USP6: variants seen among roughly 807,000 people sequenced by gnomAD.
USP6 encodes the protein ubiquitin carboxyl-terminal hydrolase 6.
Under a neutral mutation model 175.7 loss-of-function variants are expected in USP6, and 128 were observed. That is an observed-to-expected ratio of 0.73 (90% CI 0.63 to 0.84). The LOEUF (loss-of-function observed/expected upper bound fraction) is 0.84, where lower values mean the gene tolerates loss of function less well. Ranked by LOEUF, USP6 falls within the 40% of genes least tolerant of loss-of-function variation. The pLI is 0.00. For synonymous variants in USP6, 562 were observed against 630.6 expected (o/e 0.89, Z 1.63); for missense variants, 1,498 against 1,760.3 (o/e 0.85, Z 2.67).
In USP6 at chr17:5,148,678, A is replaced by C; in HGVS notation, c.2554A>C (p.Asn852His). 1 of 1,613,954 alleles carries C rather than the reference A, an allele frequency of 6.2e-7. No individual in the cohort carries two copies. Among genetic ancestry groups the C allele is most frequent in the Non-Finnish European group, 8.5e-7 (1 of 1,179,864 alleles). Reference sequence around the variant, plus strand: ...TGTTGTGCCATGTGGAACTGAGAAGAACTTCACAAATGGAATGGTTAATGG... The same window carrying C: ...TGTTGTGCCATGTGGAACTGAGAAGCACTTCACAAATGGAATGGTTAATGG... The part of the protein sequence containing the change: ...NTVVPCGTEK[N>H]FTNGMVNGHM... Residue 852 changes from asparagine to histidine, a missense_variant, in exon 30 of 38, where the codon AAC (asparagine) becomes CAC (histidine). Coordinates refer to ENST00000574788, the MANE Select transcript of USP6 (RefSeq NM_001304284.2).
chr17:5,158,471 G>T (rs915763435), intron 31 of USP6, among the ~76,000 whole-genome samples: 1 of 151,946 alleles, frequency 6.6e-6, no homozygotes, highest in Non-Finnish European at 1.5e-5. Flanking sequence ...GGTGGCTGAG[G>T]CATGAGAATC....
At chr17:5,155,886 C>A (rs2073873409) in intron 31 of USP6, among the ~76,000 whole-genome samples, 2 of 152,134 alleles carry the variant, frequency 1.3e-5, no homozygotes, top group Admixed American at 1.3e-4. Context: ...ATAATCCTTC[C>A]ATTCTCTAAT....
chr17:5,144,380 T>C (rs547996464), intron 25 of USP6, among the ~76,000 whole-genome samples: 25 of 152,342 alleles, frequency 1.6e-4, no homozygotes, highest in East Asian at 5.8e-4. Flanking sequence ...AGGATGTCTT[T>C]CCATGTGAGC....
At chr17:5,127,256 C>T (rs2072923516) in intron 6 of USP6, among the ~76,000 whole-genome samples, 1 of 152,192 alleles carries the variant, frequency 6.6e-6, no homozygotes, top group Non-Finnish European at 1.5e-5. Flanking sequence ...GAGTCAGCCA[C>T]CCCTCTGCAG....
In USP6 at chr17:5,146,145, C is replaced by G. The variant is rs1190671835; in HGVS notation, c.2290C>G (p.Leu764Val). The G allele has an allele frequency of 2.5e-6, 4 of 1,611,794 alleles. No homozygotes were observed. Among genetic ancestry groups the G allele is most frequent in the East Asian group, 2.2e-5 (1 of 44,798 alleles). The change falls in exon 28 of 38, where the codon CTA (leucine) becomes GTA (valine). Residue 764 changes from leucine to valine, a missense_variant. Transcript: ENST00000574788. Reference sequence around the variant, plus strand: ...TGGACTTAATTCAGAACAAATCCTACTAGCAGAAGTACATGATTCCAACAT... The same window carrying G: ...TGGACTTAATTCAGAACAAATCCTAGTAGCAGAAGTACATGATTCCAACAT... ...LCGLNSEQIL[L>V]AEVHDSNIKN... is the part of the protein sequence containing the mutation.
chr17:5,130,988 G>C (rs1407902535), intron 11 of USP6, among the ~76,000 whole-genome samples: 4 of 152,208 alleles, frequency 2.6e-5, no homozygotes, highest in Non-Finnish European at 5.9e-5. Flanking sequence ...CTGAGGTTCT[G>C]GTCCTGTCTA....
intron 32 of USP6, 134 bp from the exon 33 acceptor site, chr17:5,162,750 A>T (rs1438492196): frequency 7.9e-7 from 1 of 1,269,582 alleles, no homozygotes; most frequent in Non-Finnish European, 1.1e-6. Context: ...CAGAGTCTGA[A>T]GTTAGAAGCC....
chr17:5,121,154 T>A (rs1259760031), intron 3 of USP6, among the ~76,000 whole-genome samples: 1 of 152,164 alleles, frequency 6.6e-6, no homozygotes, highest in Non-Finnish European at 1.5e-5. Flanking sequence ...CCAGTGCCTG[T>A]CTTTGAGGTG....
rs780743853 is a variant in USP6 at position 5,132,483 on chromosome 17, G to A, written c.195+48G>A. On this transcript the variant is annotated intron_variant, in intron 12 of 37. Coordinates refer to ENST00000574788, the MANE Select transcript of USP6 (RefSeq NM_001304284.2). This position sits in a 1 kb window ranked among gnomAD's most constrained non-coding sequence, Gnocchi z 4.7. ...GGCTGGTCCAGGGACGTAGGGACTG[G>A]GCGGGTGGTCAGTGAGGCAGAGGAA... The A allele has an allele frequency of 4.3e-6, 7 of 1,611,924 alleles. No homozygotes were observed. Among genetic ancestry groups the A allele is most frequent in the Admixed American group, 1.7e-5 (1 of 60,000 alleles).
chr17:5,118,110 G>C (rs887809847), intron 1 of USP6, 90 bp from the exon 2 acceptor site: 1 of 152,024 alleles, frequency 6.6e-6, no homozygotes, highest in African/African-American at 2.4e-5. Flanking sequence ...TATATTGGCA[G>C]ATTACTGGCT....
intron 31 of USP6, among the ~76,000 whole-genome samples, chr17:5,157,170 C>T (rs1413497101): frequency 6.6e-6 from 1 of 152,148 alleles, no homozygotes; most frequent in Non-Finnish European, 1.5e-5. Flanking sequence ...AACGCAACCT[C>T]CACCTCCCGG....
In USP6 at chr17:5,130,443, C is replaced by G. The variant is rs748566939; in HGVS notation, c.72+4C>G. 1.7e-5 allele frequency: 28 copies of G among 1,614,108 alleles called. No homozygotes were observed. The highest frequency in any genetic ancestry group is 2.4e-5 in the Non-Finnish European group (28 of 1,179,986). ...CATACTTATGAAGTATGACAAGGTACAGTTCGGTCTGCTCCTTGGAGGGAG... is the reference window on the plus strand; with the variant it reads ...CATACTTATGAAGTATGACAAGGTAGAGTTCGGTCTGCTCCTTGGAGGGAG... On this transcript the variant is annotated splice_donor_region_variant and intron_variant, in intron 10 of 37. Coordinates refer to ENST00000574788, the MANE Select transcript of USP6 (RefSeq NM_001304284.2).
In USP6 at chr17:5,130,849, C is replaced by T. The variant is rs199835096; in HGVS notation, c.155+165C>T. Among the ~76,000 whole-genome samples, 41 of 152,304 alleles carry T rather than the reference C, an allele frequency of 2.7e-4. 1 individual carries two copies. The East Asian group carries it at 7.1e-3, about 27-fold the overall frequency. ...CCCTGGCTCCCCTGCAGGTCCAGCC[C>T]GAGGTTGTTGTTAGGCCAGAGGTGG... On this transcript the variant is annotated intron_variant, in intron 11 of 37. Coordinates refer to ENST00000574788, the MANE Select transcript of USP6 (RefSeq NM_001304284.2).
At chr17:5,147,335 C>G (rs2073641130) in intron 29 of USP6, 141 bp downstream of exon 29, 1 of 1,041,818 alleles carries the variant, frequency 9.6e-7, no homozygotes, top group African/African-American at 1.7e-5. Flanking sequence ...ACTGATTATT[C>G]CATATTTTTT....
intron 34 of USP6, 54 bp from the exon 35 acceptor site, chr17:5,168,713 A>C: frequency 2.0e-6 from 3 of 1,502,228 alleles, no homozygotes; most frequent in Non-Finnish European, 2.7e-6. Context: ...TTCCATGTAA[A>C]TTTTGTATCT....
intron 30 of USP6, among the ~76,000 whole-genome samples, chr17:5,150,484 C>T (rs1309237365): frequency 6.6e-6 from 1 of 150,502 alleles, no homozygotes; most frequent in East Asian, 1.9e-4. Flanking sequence ...TGGCTTTAAA[C>T]AACAGAAATA....
In USP6 at chr17:5,161,470, GA is replaced by G. The variant is rs552326473; in HGVS notation, c.2829-57del. 1.5e-5 allele frequency: 24 copies of G among 1,560,128 alleles called. No homozygotes were observed. In the South Asian group the frequency reaches 2.6e-4, roughly 17 times the overall value. On this transcript the variant is annotated intron_variant, in intron 31 of 37. Transcript: ENST00000574788. ...GATTACTTCAAGAGAAGATGAAAAGGAGTTGGACCTCGAACCAGAAATGCTT... is the reference window on the plus strand; with the variant it reads ...GATTACTTCAAGAGAAGATGAAAAGGGTTGGACCTCGAACCAGAAATGCTT...
intron 35 of USP6, among the ~76,000 whole-genome samples, chr17:5,169,271 C>G (rs1431568222): frequency 6.6e-6 from 1 of 152,106 alleles, no homozygotes; most frequent in Non-Finnish European, 1.5e-5. Flanking sequence ...GCCAGGTTTA[C>G]AGAGTTGAGA....
intron 28 of USP6, among the ~76,000 whole-genome samples, chr17:5,146,539 C>T (rs956481906): frequency 3.3e-5 from 5 of 152,080 alleles, no homozygotes; most frequent in Non-Finnish European, 7.4e-5. Context: ...AGAATTCTTC[C>T]TAGGTTAAAG....
Sources: allele counts gnomAD v4.1 joint callset (sites outside exome capture counted in the v4.1 genomes callset), GRCh38; gene constraint gnomAD v4.1.1; non-coding constraint Gnocchi (gnomAD v3.1); transcripts MANE v1.5; gene names NCBI Gene and HGNC (gene_info 2026-07-23, HGNC 2026-07-21).